Variants in SIPA1L1 observed in about 807,000 individuals in gnomAD.
The protein encoded by SIPA1L1 is signal induced proliferation associated 1 like 1, also known as signal-induced proliferation-associated 1-like protein 1.
A neutral mutation model predicts 162.7 loss-of-function variants in SIPA1L1; 26 were observed. The observed-to-expected ratio is 0.16, with a 90% CI of 0.12 to 0.22. The LOEUF (loss-of-function observed/expected upper bound fraction) is 0.22. SIPA1L1 is among the 10% of genes least tolerant of loss of function. The probability of loss-of-function intolerance (pLI) is 1.00; values close to 1 mark genes in which losing one functional copy is unlikely to be tolerated. For missense variants in SIPA1L1, 1,874 were observed against 2,241.0 expected (o/e 0.84, Z 3.31); for synonymous variants, 829 against 837.4 (o/e 0.99, Z 0.17).
At chr14:71,579,496 G>C (rs2033610725) in intron 4 of SIPA1L1, among the ~76,000 whole-genome samples, 1 of 152,180 alleles carries the variant, frequency 6.6e-6, no homozygotes, top group South Asian at 2.1e-4. Context: ...AAACGAAATG[G>C]GTGACAGAGT....
intron 5 of SIPA1L1, among the ~76,000 whole-genome samples, chr14:71,614,203 G>C (rs2038557691): frequency 6.7e-6 from 1 of 150,144 alleles, no homozygotes; most frequent in Admixed American, 6.6e-5. Context: ...GGGCCACAGA[G>C]CAAGACGCTG....
intron 4 of SIPA1L1, among the ~76,000 whole-genome samples, chr14:71,540,852 C>A (rs560899754): frequency 1.3e-5 from 2 of 151,988 alleles, no homozygotes; most frequent in Admixed American, 6.5e-5. Context: ...GCTGGCTGGG[C>A]AGGGTGGCTC....
intron 4 of SIPA1L1, among the ~76,000 whole-genome samples, chr14:71,552,326 G>A (rs1048501616): frequency 2.6e-5 from 4 of 151,952 alleles, no homozygotes; most frequent in Admixed American, 6.5e-5. Flanking sequence ...TCATTTAATA[G>A]GTTATACTGA....
At chr14:71,355,179 G>A (rs1294742706) in intron 2 of SIPA1L1, among the ~76,000 whole-genome samples, 2 of 152,224 alleles carry the variant, frequency 1.3e-5, no homozygotes, top group African/African-American at 4.8e-5. Context: ...TCCTTTGTAA[G>A]ATTCTGTTGC....
chr14:71,469,515 A>G (rs1448463769), intron 2 of SIPA1L1, among the ~76,000 whole-genome samples: 3 of 152,236 alleles, frequency 2.0e-5, no homozygotes, highest in African/African-American at 7.2e-5. Context: ...TCAAAGCAGT[A>G]TAGAGCTGGA....
intron 4 of SIPA1L1, among the ~76,000 whole-genome samples, chr14:71,576,366 A>C (rs1165907731): frequency 6.6e-6 from 1 of 152,224 alleles, no homozygotes; most frequent in Non-Finnish European, 1.5e-5. Flanking sequence ...CGAGTTAGTG[A>C]GATAATGAGC....
rs558956295 is a variant in SIPA1L1 at position 71,447,047 on chromosome 14, G to T, written c.-464-65696G>T. On this transcript the variant is annotated intron_variant, in intron 2 of 23. Coordinates refer to ENST00000381232, the MANE Select transcript of SIPA1L1 (RefSeq NM_001386936.1). ...CTATCTCGGCCCCCTGAGTAGCTGG[G>T]ACTACAGGCATGCACCACCATGCTC... 1.7e-4 allele frequency among the ~76,000 whole-genome samples: 25 copies of T among 151,132 alleles called. No homozygotes were observed. In the South Asian group the frequency reaches 4.8e-3, roughly 29 times the overall value.
intron 4 of SIPA1L1, 56 bp downstream of exon 4, chr14:71,529,426 CTG>C (rs2053219313): frequency 1.7e-6 from 1 of 573,198 alleles, no homozygotes. Context: ...TGTTGATTTT[CTG>C]TGTTTAAATT....
At chr14:71,543,918 A>G (rs1234943276) in intron 4 of SIPA1L1, among the ~76,000 whole-genome samples, 2 of 149,516 alleles carry the variant, frequency 1.3e-5, no homozygotes, top group Non-Finnish European at 3.0e-5. Flanking sequence ...ATATATACAT[A>G]TATCATACGT....
chr14:71,394,435 A>G (rs1054727176), intron 2 of SIPA1L1, among the ~76,000 whole-genome samples: 14 of 152,216 alleles, frequency 9.2e-5, no homozygotes, highest in South Asian at 4.1e-4. Flanking sequence ...GCATTTATGT[A>G]TTATTCTCTA....
chr14:71,452,832 T>C (rs936981199), intron 2 of SIPA1L1, among the ~76,000 whole-genome samples: 1 of 152,250 alleles, frequency 6.6e-6, no homozygotes, highest in South Asian at 2.1e-4. Flanking sequence ...GGAGATCTTA[T>C]GTTATTTAAA....
chr14:71,723,675 C>A lies in SIPA1L1; in HGVS notation c.4237C>A (p.Pro1413Thr). 6.2e-7 allele frequency: 1 copy of A among 1,614,192 alleles called. No homozygotes were observed. Among genetic ancestry groups the A allele is most frequent in the Non-Finnish European group, 8.5e-7 (1 of 1,180,042 alleles). The stretch of plus-strand genomic sequence containing the variant: ...CATGAGCTCCCGACACTCTGCCAGC[C>A]CAGTGGTTTTCACCAGTGCCCGGAG... The part of the protein sequence containing the change: ...STMSSRHSAS[P>T]VVFTSARSSP... The change falls in exon 18 of 24, where the codon CCA becomes ACA. Residue 1413 changes from proline to threonine, a missense_variant. Pro to Thr is a conservative substitution (Grantham distance 38). Coordinates refer to ENST00000381232, the MANE Select transcript of SIPA1L1 (RefSeq NM_001386936.1).
intron 3 of SIPA1L1, among the ~76,000 whole-genome samples, chr14:71,521,725 T>C (rs968669419): frequency 2.0e-5 from 3 of 152,226 alleles, no homozygotes; most frequent in Non-Finnish European, 4.4e-5. Flanking sequence ...TGTTCAACTT[T>C]AATAGATGCT....
At chr14:71,398,230 TA>T (rs2041380542) in intron 2 of SIPA1L1, 1 of 152,132 alleles carries the variant, frequency 6.6e-6, no homozygotes, top group Non-Finnish European at 1.5e-5. Context: ...TTAGCATAAA[TA>T]ACCAAAATTT....
chr14:71,504,972 G>T (rs2050537985), intron 2 of SIPA1L1, among the ~76,000 whole-genome samples: 1 of 152,128 alleles, frequency 6.6e-6, no homozygotes, highest in Non-Finnish European at 1.5e-5. Context: ...CTTTTTGGGA[G>T]CAATGAAAAG....
intron 10 of SIPA1L1, among the ~76,000 whole-genome samples, chr14:71,668,352 G>GCT (rs1249202314): frequency 3.3e-5 from 5 of 152,076 alleles, no homozygotes; most frequent in African/African-American, 1.2e-4. Flanking sequence ...TCCAATCCTG[G>GCT]CTCTCTCTAA....
At chr14:71,606,657 C>A (rs2037546795) in intron 5 of SIPA1L1, among the ~76,000 whole-genome samples, 1 of 152,022 alleles carries the variant, frequency 6.6e-6, no homozygotes, top group South Asian at 2.1e-4. Flanking sequence ...AGGAGTGAGT[C>A]CACAATGGAA....
chr14:71,596,070 G>A (rs142902783), intron 5 of SIPA1L1, among the ~76,000 whole-genome samples: 1 of 152,314 alleles, frequency 6.6e-6, no homozygotes, highest in African/African-American at 2.4e-5. Flanking sequence ...AGGACTGCAA[G>A]TGGTTAGGGG....
At chr14:71,644,810 C>T (rs529800971) in intron 7 of SIPA1L1, among the ~76,000 whole-genome samples, 1 of 152,154 alleles carries the variant, frequency 6.6e-6, no homozygotes, top group African/African-American at 2.4e-5. Flanking sequence ...TAACAGGCTC[C>T]CCTTTATATT....
Sources: allele counts gnomAD v4.1 joint callset (sites outside exome capture counted in the v4.1 genomes callset), GRCh38; gene constraint gnomAD v4.1.1; transcripts MANE v1.5; gene names NCBI Gene and HGNC (gene_info 2026-07-23, HGNC 2026-07-21).